SRFBP1: variants seen among roughly 807,000 people sequenced by gnomAD.
The protein encoded by SRFBP1 is serum response factor-binding protein 1.
In SRFBP1, 47 loss-of-function variants were observed where a neutral mutation model predicts 45.5. The ratio of observed to expected loss-of-function variants is 1.03; its 90% CI spans 0.82 to 1.32. The LOEUF (loss-of-function observed/expected upper bound fraction) is 1.32. Ranked by LOEUF, SRFBP1 falls within the 40% of genes most tolerant of loss-of-function variation. SRFBP1 has a pLI of 0.00. For synonymous variants in SRFBP1, 203 were observed against 166.3 expected (o/e 1.22, Z -1.70); for missense variants, 621 against 484.6 (o/e 1.28, Z -2.64).
intron 2 of SRFBP1, among the ~76,000 whole-genome samples, chr5:122,068,193 A>AG (rs1754351831): frequency 6.6e-6 from 1 of 151,466 alleles, no homozygotes; most frequent in African/African-American, 2.4e-5. Context: ...AAAAAAAAAA[A>AG]AAAATTCAAC....
chr5:122,022,297 T>C, intron 6 of SRFBP1, 73 bp from the exon 7 acceptor site: 1 of 1,321,824 alleles, frequency 7.6e-7, no homozygotes, highest in Admixed American at 2.0e-5. Context: ...TTATCATCAA[T>C]TTTGTTATGT....
At chr5:122,043,850 A>T (rs563040582) in intron 2 of SRFBP1, among the ~76,000 whole-genome samples, 16 of 152,090 alleles carry the variant, frequency 1.1e-4, no homozygotes, top group South Asian at 4.2e-4. Context: ...TATTCATTAA[A>T]TTTTTTTTAT....
intron 1 of SRFBP1, among the ~76,000 whole-genome samples, chr5:121,972,499 T>G (rs996950576): frequency 3.3e-5 from 5 of 151,772 alleles, no homozygotes; most frequent in Admixed American, 3.3e-4. Context: ...TTATGATGAA[T>G]TTATAGTAGA....
At chr5:122,045,237 A>G (rs1043026463) in intron 2 of SRFBP1, among the ~76,000 whole-genome samples, 3 of 152,176 alleles carry the variant, frequency 2.0e-5, no homozygotes, top group African/African-American at 7.2e-5. Context: ...TACCAGGACC[A>G]TGCTGTTTTG....
chr5:122,018,574 A>G (rs1210197810), intron 4 of SRFBP1, among the ~76,000 whole-genome samples: 3 of 152,192 alleles, frequency 2.0e-5, no homozygotes, highest in African/African-American at 4.8e-5. Context: ...TGTTTTGACA[A>G]TGTCAAATAG....
At chr5:122,030,612 T>TA (rs1753573762), downstream of SRFBP1, among the ~76,000 whole-genome samples, 1 of 151,536 alleles carries the variant, frequency 6.6e-6, no homozygotes, top group Non-Finnish European at 1.5e-5. Flanking sequence ...TTTTTTTTTT[T>TA]AACATCAAGA....
chr5:121,996,966 A>G lies in SRFBP1; in HGVS notation c.270+2296A>G, dbSNP rs1393458523. Among the ~76,000 whole-genome samples the G allele has an allele frequency of 1.8e-4, 24 of 136,394 alleles. 1 individual carries two copies. In the Admixed American group the frequency reaches 1.8e-3, roughly 10 times the overall value. The allele number at this position is 136,394 out of a possible 152,430, so 89.5% of individuals were successfully genotyped here. A position where few individuals can be genotyped will look rare whatever the true frequency, so the allele number is the denominator to read the frequency against. ...GGCATCCAACTTACAAGGGATGTGA[A>G]GGACCTCTTCAAGGAGAACTACAAA... On this transcript the variant is annotated intron_variant, in intron 4 of 7. Coordinates refer to ENST00000339397, the MANE Select transcript of SRFBP1 (RefSeq NM_152546.3).
Position 122,058,153 on chromosome 5 carries a change from T to A in SRFBP1, n.312-17162T>A, listed in dbSNP as rs138689365. Among the ~76,000 whole-genome samples the A allele has an allele frequency of 5.9e-5, 9 of 152,306 alleles. No homozygotes were observed. In the East Asian group the frequency reaches 1.7e-3, roughly 29 times the overall value. ...TCACTTTCTTGATAGCATTATAGGG[T>A]AATATTATTTAAATCATGATTTATT... On this transcript the variant is annotated intron_variant and non_coding_transcript_variant, in intron 2 of 2. Transcript: ENST00000504881.
chr5:121,993,727 T>G (rs1752660647), intron 3 of SRFBP1, among the ~76,000 whole-genome samples: 1 of 152,150 alleles, frequency 6.6e-6, no homozygotes, highest in Non-Finnish European at 1.5e-5. Context: ...CTTTAAATGC[T>G]TTTCATAAGT....
Position 121,994,654 on chromosome 5 carries a change from A to G in SRFBP1, c.254A>G (p.Glu85Gly). Residue 85 changes from glutamate to glycine, a missense_variant, in exon 4 of 8, where the codon GAA (glutamate) becomes GGA (glycine). Glu to Gly is a moderately conservative substitution (Grantham distance 98). Coordinates refer to ENST00000339397, the MANE Select transcript of SRFBP1 (RefSeq NM_152546.3). ...KSALGDDINFEKIFKKPDSTA... is the reference protein window; with the variant it reads ...KSALGDDINFGKIFKKPDSTA... Reference sequence around the variant, plus strand: ...GCTCTTGGTGATGATATCAACTTTGAAAAAATCTTCAAAAAGGTATATCTG... The same window carrying G: ...GCTCTTGGTGATGATATCAACTTTGGAAAAATCTTCAAAAAGGTATATCTG... The G allele has an allele frequency of 4.4e-6, 7 of 1,595,574 alleles. No homozygotes were observed. Among genetic ancestry groups the G allele is most frequent in the Non-Finnish European group, 6.0e-6 (7 of 1,171,102 alleles).
At chr5:121,993,498 G>A (rs1228953952) in intron 3 of SRFBP1, among the ~76,000 whole-genome samples, 1 of 152,094 alleles carries the variant, frequency 6.6e-6, no homozygotes, top group Non-Finnish European at 1.5e-5. Flanking sequence ...CATAGAGGCA[G>A]TAGGCCAGAA....
chr5:122,038,463 T>C (rs905046884), intron 2 of SRFBP1, among the ~76,000 whole-genome samples: 1 of 152,104 alleles, frequency 6.6e-6, no homozygotes, highest in African/African-American at 2.4e-5. Context: ...GAAAATGAAA[T>C]GTTATTAGTG....
rs187660503 is a variant in SRFBP1 at position 122,048,577 on chromosome 5, A to T, written n.311+26170A>T. 1.7e-3 allele frequency among the ~76,000 whole-genome samples: 263 copies of T among 152,204 alleles called. 2 individuals carry two copies. The highest frequency in any genetic ancestry group is 3.1e-3 in the East Asian group (16 of 5,188). ...GGCCTCATAAAATGAGTTAGGGAGG[A>T]TTCCCTCTTTTTCTATTGATTGGGA... On this transcript the variant is annotated intron_variant and non_coding_transcript_variant, in intron 2 of 2. Coordinates refer to the SRFBP1 transcript ENST00000504881.
intron 4 of SRFBP1, among the ~76,000 whole-genome samples, chr5:122,000,903 G>A (rs1271103027): frequency 6.6e-6 from 1 of 152,054 alleles, no homozygotes; most frequent in East Asian, 1.9e-4. Context: ...GGGTTATCTA[G>A]AGTGTAACCT....
intron 2 of SRFBP1, among the ~76,000 whole-genome samples, chr5:122,046,102 T>C (rs1470147247): frequency 6.6e-6 from 1 of 152,156 alleles, no homozygotes; most frequent in East Asian, 1.9e-4. Context: ...AACATGCAGG[T>C]TAGTTACACA....
intron 6 of SRFBP1, among the ~76,000 whole-genome samples, chr5:122,021,698 A>G (rs1250869839): frequency 9.4e-6 from 1 of 105,868 alleles, no homozygotes; most frequent in African/African-American, 3.9e-5. Context: ...TTTTTTTGAG[A>G]CGGAGTCTCA....
chr5:122,034,331 C>T (rs1753648978), intron 2 of SRFBP1, among the ~76,000 whole-genome samples: 1 of 151,800 alleles, frequency 6.6e-6, no homozygotes, highest in Admixed American at 6.6e-5. Context: ...GTCTGTTTTT[C>T]GTTATAATGT....
intron 2 of SRFBP1, among the ~76,000 whole-genome samples, chr5:122,039,909 A>G (rs1204543185): frequency 1.3e-5 from 2 of 152,142 alleles, no homozygotes; most frequent in African/African-American, 2.4e-5. Context: ...CTTATTTGAA[A>G]TGTCACCATA....
downstream of SRFBP1, among the ~76,000 whole-genome samples, chr5:122,032,069 G>A (rs1166109616): frequency 1.3e-5 from 2 of 152,148 alleles, no homozygotes; most frequent in Admixed American, 6.6e-5. Flanking sequence ...ACGACCTTGT[G>A]AATATACAGG....
Sources: gnomAD v4.1 joint callset for allele counts (sites outside exome capture counted in the v4.1 genomes callset) on GRCh38, gnomAD v4.1.1 for gene constraint, MANE v1.5 for transcripts, NCBI Gene and HGNC (gene_info 2026-07-23, HGNC 2026-07-21) for gene names.